SUMF1: variants seen among roughly 807,000 people sequenced by gnomAD.
The protein encoded by SUMF1 is sulfatase modifying factor 1, also known as formylglycine-generating enzyme.
A neutral mutation model predicts 47.6 loss-of-function variants in SUMF1; 48 were observed. The ratio of observed to expected loss-of-function variants is 1.01; its 90% CI spans 0.80 to 1.28. SUMF1 has a LOEUF of 1.28. Ranked by LOEUF, SUMF1 falls within the 50% of genes most tolerant of loss-of-function variation. SUMF1 has a pLI of 0.00. For synonymous variants in SUMF1, 230 were observed against 192.1 expected (o/e 1.20, Z -1.63); for missense variants, 571 against 485.4 (o/e 1.18, Z -1.66).
At chr3:4,046,357 C>G (rs1402451150) in intron 9 of SUMF1, among the ~76,000 whole-genome samples, 1 of 152,118 alleles carries the variant, frequency 6.6e-6, no homozygotes, top group Admixed American at 6.5e-5. Flanking sequence ...GGTCACACAC[C>G]TAGATTACCT....
chr3:4,426,451 A>C (rs1702069890), intron 3 of SUMF1, among the ~76,000 whole-genome samples: 1 of 152,178 alleles, frequency 6.6e-6, no homozygotes, highest in Admixed American at 6.5e-5. Context: ...ATCCAAACTC[A>C]CTAGACGTTT....
chr3:4,225,383 C>T (rs902845218), intron 8 of SUMF1, among the ~76,000 whole-genome samples: 1 of 152,110 alleles, frequency 6.6e-6, no homozygotes, highest in Non-Finnish European at 1.5e-5. Context: ...GCAAGTTCCA[C>T]TATGACAAAC....
At chr3:4,281,825 G>A (rs1301971451) in intron 8 of SUMF1, among the ~76,000 whole-genome samples, 2 of 152,092 alleles carry the variant, frequency 1.3e-5, no homozygotes, top group Non-Finnish European at 2.9e-5. Context: ...AGTGGGAACA[G>A]GAGTGGAAAT....
intron 8 of SUMF1, among the ~76,000 whole-genome samples, chr3:4,364,646 T>C (rs1201839162): frequency 6.6e-6 from 1 of 151,334 alleles, no homozygotes; most frequent in African/African-American, 2.4e-5. Flanking sequence ...TAGCGGTCTA[T>C]CAATTTTGTT....
chr3:4,104,063 G>C (rs1433962583), intron 8 of SUMF1, among the ~76,000 whole-genome samples: 1 of 152,098 alleles, frequency 6.6e-6, no homozygotes, highest in Non-Finnish European at 1.5e-5. Flanking sequence ...CCCTTGATAT[G>C]GTTTTTCTGT....
At chr3:4,455,589 C>A (rs1418431661) in intron 1 of SUMF1, among the ~76,000 whole-genome samples, 4 of 152,192 alleles carry the variant, frequency 2.6e-5, no homozygotes, top group Non-Finnish European at 4.4e-5. Context: ...TTGTGGCACA[C>A]GCCTGTAATC....
In SUMF1 at chr3:4,423,375, G is replaced by A. The variant is rs116077192; in HGVS notation, c.520-3229C>T. Among the ~76,000 whole-genome samples the A allele has an allele frequency of 2.7e-3, 405 of 151,964 alleles. 5 individuals carry two copies. The highest frequency in any genetic ancestry group is 9.4e-3 in the African/African-American group (388 of 41,418). On this transcript the variant is annotated intron_variant, in intron 3 of 8. Transcript: ENST00000272902. ...AACGGCATTCACAGCAACCTGGATG[G>A]GATTGGAGCCTACCCCTTTTTCAAA...
At chr3:4,108,598 TG>T (rs1693213876) in intron 8 of SUMF1, among the ~76,000 whole-genome samples, 1 of 152,120 alleles carries the variant, frequency 6.6e-6, no homozygotes, top group African/African-American at 2.4e-5. Flanking sequence ...TATATGAATC[TG>T]GGTGCTCCCA....
intron 8 of SUMF1, among the ~76,000 whole-genome samples, chr3:4,314,899 G>T (rs965686912): frequency 6.6e-6 from 1 of 152,134 alleles, no homozygotes; most frequent in Admixed American, 6.5e-5. Context: ...AGGAGGCCCT[G>T]CACTTTCAAC....
rs945576623 is a variant in SUMF1 at position 4,262,236 on chromosome 3, C to A, written c.1014+114094G>T. Reference sequence around the variant, plus strand: ...GTAGGAGGAAGCACATTGCTCAGCACAACCTCCGAAGTGTGATGGAGAGAG... The same window carrying A: ...GTAGGAGGAAGCACATTGCTCAGCAAAACCTCCGAAGTGTGATGGAGAGAG... On this transcript the variant is annotated intron_variant and NMD_transcript_variant, in intron 8 of 12. Coordinates refer to the SUMF1 transcript ENST00000448413. Among the ~76,000 whole-genome samples the A allele has an allele frequency of 2.0e-5, 3 of 152,126 alleles. No homozygotes were observed. The East Asian group carries it at 5.8e-4, about 29-fold the overall frequency.
chr3:4,113,165 C>T (rs1390195129), intron 8 of SUMF1, among the ~76,000 whole-genome samples: 1 of 152,062 alleles, frequency 6.6e-6, no homozygotes, highest in African/African-American at 2.4e-5. Context: ...CTGGGGTATC[C>T]ATCACCTAGA....
At chr3:4,071,794 G>A (rs1045063429) in intron 8 of SUMF1, among the ~76,000 whole-genome samples, 3 of 152,216 alleles carry the variant, frequency 2.0e-5, no homozygotes, top group African/African-American at 7.2e-5. Context: ...AGCAGCCTCT[G>A]TCAGGGACTT....
In SUMF1 at chr3:4,392,265, C is replaced by T. The variant is rs143840707; in HGVS notation, c.955-15876G>A. On this transcript the variant is annotated intron_variant, in intron 7 of 8. Coordinates refer to ENST00000272902, the MANE Select transcript of SUMF1 (RefSeq NM_182760.4). ...TCAATTCTAGAAATTCTACTTGGTT[C>T]TTTTTTTAAAATTTCTATTTGATTC... Among the ~76,000 whole-genome samples the T allele has an allele frequency of 3.9e-4, 60 of 152,116 alleles. 1 individual carries two copies. The highest frequency in any genetic ancestry group is 1.4e-3 in the African/African-American group (60 of 41,510).
chr3:4,236,640 T>A (rs1375476093), intron 8 of SUMF1, among the ~76,000 whole-genome samples: 2 of 152,044 alleles, frequency 1.3e-5, no homozygotes, highest in African/African-American at 4.8e-5. Flanking sequence ...AGTTTTAGGT[T>A]CACAGCAAAA....
chr3:4,263,535 G>A (rs760006421), intron 8 of SUMF1, among the ~76,000 whole-genome samples: 11 of 152,134 alleles, frequency 7.2e-5, no homozygotes, highest in Admixed American at 3.3e-4. Context: ...ACCGAACCAA[G>A]AATGCCACAC....
chr3:4,408,839 G>A (rs1257255326), intron 7 of SUMF1, among the ~76,000 whole-genome samples: 1 of 151,988 alleles, frequency 6.6e-6, no homozygotes, highest in Non-Finnish European at 1.5e-5. Flanking sequence ...GGGGGCACCT[G>A]TAATCCCAGC....
intron 8 of SUMF1, among the ~76,000 whole-genome samples, chr3:4,157,906 T>C (rs1694491212): frequency 6.6e-6 from 1 of 151,446 alleles, no homozygotes; most frequent in Non-Finnish European, 1.5e-5. Flanking sequence ...TCAAGTCATA[T>C]ATCCCATATT....
At chr3:4,164,963 G>T (rs1428447104) in intron 8 of SUMF1, among the ~76,000 whole-genome samples, 1 of 152,048 alleles carries the variant, frequency 6.6e-6, no homozygotes, top group Non-Finnish European at 1.5e-5. Flanking sequence ...TAATTCATGG[G>T]CTTTTTCCTA....
intron 9 of SUMF1, among the ~76,000 whole-genome samples, chr3:4,045,395 T>C (rs1345297395): frequency 6.6e-6 from 1 of 151,658 alleles, no homozygotes; most frequent in Non-Finnish European, 1.5e-5. Flanking sequence ...CATCCATCCA[T>C]CCATCCATCC....
Sources: gnomAD v4.1 joint callset for allele counts (sites outside exome capture counted in the v4.1 genomes callset) on GRCh38, gnomAD v4.1.1 for gene constraint, MANE v1.5 for transcripts, NCBI Gene and HGNC (gene_info 2026-07-23, HGNC 2026-07-21) for gene names.